The following YWHAE variants were observed in gnomAD, a reference collection of about 807,000 sequenced individuals.
YWHAE encodes the protein 14-3-3 protein epsilon.
YWHAE carries 4 observed loss-of-function variants against 30.1 expected under a neutral mutation model. The observed-to-expected ratio is 0.13, with a 90% CI of 0.07 to 0.30. YWHAE has a LOEUF of 0.30. YWHAE is among the 10% of genes least tolerant of loss of function. YWHAE has a pLI of 1.00. For synonymous variants in YWHAE, 118 were observed against 111.8 expected (o/e 1.06, Z -0.35); for missense variants, 121 against 315.9 (o/e 0.38, Z 4.68).
intron 4 of YWHAE, among the ~76,000 whole-genome samples, chr17:1,355,142 AAAAAAAT>A (rs1323024133): frequency 9.0e-6 from 1 of 110,842 alleles, no homozygotes; most frequent in Admixed American, 1.2e-4. Context: ...AAAAAAAAAA[AAAAAAAT>A]TTTTTTTTTT....
intron 4 of YWHAE, among the ~76,000 whole-genome samples, chr17:1,355,656 T>C (rs1224182130): frequency 1.3e-5 from 2 of 151,974 alleles, no homozygotes; most frequent in African/African-American, 2.4e-5. Flanking sequence ...CGATACGATA[T>C]ACCAATAGAA....
At chr17:1,370,093 T>C (rs2073007641) in intron 1 of YWHAE, among the ~76,000 whole-genome samples, 1 of 151,506 alleles carries the variant, frequency 6.6e-6, no homozygotes, top group Non-Finnish European at 1.5e-5. Flanking sequence ...TCTGACGCTG[T>C]TGGACAGCAT....
At chr17:1,365,673 A>G (rs554649153) in intron 1 of YWHAE, among the ~76,000 whole-genome samples, 86 of 152,302 alleles carry the variant, frequency 5.6e-4, no homozygotes, top group African/African-American at 2.0e-3. Context: ...AGGGAAACAC[A>G]ACGGCGTGTG....
intron 1 of YWHAE, among the ~76,000 whole-genome samples, chr17:1,384,947 A>T (rs562848803): frequency 1.3e-5 from 2 of 152,028 alleles, no homozygotes; most frequent in Non-Finnish European, 2.9e-5. Context: ...CCAACCACAG[A>T]TGATCTGCCT....
intron 5 of YWHAE, among the ~76,000 whole-genome samples, chr17:1,347,084 T>G (rs541879366): frequency 2.0e-5 from 3 of 150,744 alleles, no homozygotes; most frequent in Non-Finnish European, 4.4e-5. Flanking sequence ...TACCAGCACT[T>G]TGGGAGGCCA....
intron 1 of YWHAE, chr17:1,398,717 TCAAAAGGTGGTC>T (rs1567991479): frequency 1.3e-5 from 2 of 152,098 alleles, no homozygotes; most frequent in South Asian, 2.1e-4. Flanking sequence ...TGTGGGTATT[TCAAAAGGTGGTC>T]CAAAAGGTGG....
chr17:1,361,494 T>G (rs1447945198), intron 3 of YWHAE, among the ~76,000 whole-genome samples, 196 bp from the exon 4 acceptor site: 5 of 152,098 alleles, frequency 3.3e-5, no homozygotes, highest in Non-Finnish European at 5.9e-5. Context: ...ACATTTCATA[T>G]TACTAAATAT....
At chr17:1,399,739 T>TC in intron 1 of YWHAE, 2 of 389,430 alleles carry the variant, frequency 5.1e-6, no homozygotes, top group South Asian at 2.2e-5. Context: ...ACCCGCCATC[T>TC]CCTCCCCCTC....
chr17:1,385,160 A>AAC, intron 1 of YWHAE, among the ~76,000 whole-genome samples: 1 of 151,706 alleles, frequency 6.6e-6, no homozygotes, highest in South Asian at 2.1e-4. Context: ...AAAAAAAAAA[A>AAC]AAAGTAAAGA....
chr17:1,383,978 C>T (rs556665752), intron 1 of YWHAE, among the ~76,000 whole-genome samples: 9 of 150,868 alleles, frequency 6.0e-5, no homozygotes, highest in African/African-American at 1.5e-4. Context: ...GGCCGAGGCA[C>T]GTGGATCACA....
chr17:1,393,112 A>G (rs1008570120), intron 1 of YWHAE, among the ~76,000 whole-genome samples: 1 of 151,054 alleles, frequency 6.6e-6, no homozygotes, highest in Non-Finnish European at 1.5e-5. Context: ...CCTGGGTGAC[A>G]GAGCAAGACT....
At chr17:1,358,368 T>C (rs2072794525) in intron 4 of YWHAE, among the ~76,000 whole-genome samples, 1 of 152,036 alleles carries the variant, frequency 6.6e-6, no homozygotes, top group Non-Finnish European at 1.5e-5. Flanking sequence ...GCCTCCCGAG[T>C]AGCTGGGACT....
In YWHAE at chr17:1,359,437, T is replaced by C. The variant is rs1010588376; in HGVS notation, c.578+1655A>G. On this transcript the variant is annotated intron_variant, in intron 4 of 5. Transcript: ENST00000264335. ...CATTGTACTCACCATAGGGAAAAGG[T>C]GGAAACCCACTGACCACCAAAAGTT... Among the ~76,000 whole-genome samples the C allele has an allele frequency of 3.2e-4, 48 of 152,136 alleles. 1 individual carries two copies. The highest frequency in any genetic ancestry group is 1.1e-3 in the African/African-American group (47 of 41,430).
At chr17:1,384,535 CAAA>C (rs144580049) in intron 1 of YWHAE, among the ~76,000 whole-genome samples, 1 of 149,298 alleles carries the variant, frequency 6.7e-6, no homozygotes, top group East Asian at 2.1e-4. Flanking sequence ...ACTAAAAATA[CAAA>C]AAAAATTAGC....
At chr17:1,379,368 C>T (rs563945468) in intron 1 of YWHAE, among the ~76,000 whole-genome samples, 1 of 152,112 alleles carries the variant, frequency 6.6e-6, no homozygotes, top group South Asian at 2.1e-4. Flanking sequence ...ACCTATAGTC[C>T]CAGCTACTCT....
At position 1,345,110 on chromosome 17, in the gene YWHAE, G is replaced by C; in HGVS notation, c.*337C>G. 2.8e-6 allele frequency: 1 copy of C among 361,832 alleles called. No individual in the cohort carries two copies. The highest frequency in any genetic ancestry group is 5.0e-6 in the Non-Finnish European group (1 of 198,924). 22.4% of individuals were successfully genotyped at this position (361,832 alleles called of 1,614,324 possible). On this transcript the variant is annotated 3_prime_UTR_variant, in exon 6 of 6. Coordinates refer to ENST00000264335, the MANE Select transcript of YWHAE (RefSeq NM_006761.5). ...GCTTGCATCACCTATAAGTCTAATG[G>C]CTTTCAAATGTAATTTCCATTTGCT...
At chr17:1,345,978 G>A (rs969703104) in intron 5 of YWHAE, among the ~76,000 whole-genome samples, 36 of 152,222 alleles carry the variant, frequency 2.4e-4, no homozygotes, top group African/African-American at 7.9e-4. Flanking sequence ...AAGTTCTATC[G>A]TATTTTATTG....
At chr17:1,345,855 C>T (rs1391116113) in intron 5 of YWHAE, among the ~76,000 whole-genome samples, 3 of 152,196 alleles carry the variant, frequency 2.0e-5, no homozygotes, top group East Asian at 1.9e-4. Flanking sequence ...AATAACCTCA[C>T]CTCTTCAAGA....
intron 4 of YWHAE, among the ~76,000 whole-genome samples, chr17:1,358,223 TACAAA>T (rs1380953686): frequency 6.6e-6 from 1 of 152,004 alleles, no homozygotes; most frequent in Admixed American, 6.6e-5. Context: ...ACCCTGCCTC[TACAAA>T]ACAAAACAAC....
Sources: gnomAD v4.1 joint callset for allele counts (sites outside exome capture counted in the v4.1 genomes callset) on GRCh38, gnomAD v4.1.1 for gene constraint, MANE v1.5 for transcripts, NCBI Gene and HGNC (gene_info 2026-07-23, HGNC 2026-07-21) for gene names.